The following TMEM177 variants were observed in gnomAD, a reference collection of about 807,000 sequenced individuals.
The protein encoded by TMEM177 is transmembrane protein 177.
In TMEM177, 4 loss-of-function variants were observed where a neutral mutation model predicts 14.2. The observed-to-expected ratio is 0.28, with a 90% CI of 0.14 to 0.64. TMEM177 has a LOEUF of 0.64. Ranked by LOEUF, TMEM177 falls within the 30% of genes least tolerant of loss-of-function variation. TMEM177 has a pLI of 0.82. For synonymous variants in TMEM177, 179 were observed against 174.5 expected (o/e 1.03, Z -0.20); for missense variants, 344 against 405.2 (o/e 0.85, Z 1.30).
At chr2:119,685,917 A>G (rs1348794716), downstream of TMEM177, 17 of 562,746 alleles carry the variant, frequency 3.0e-5, no homozygotes, top group East Asian at 4.7e-4. Context: ...ACTGAGCAGA[A>G]CTTCCGAGGA....
the TMEM177 span, among the ~76,000 whole-genome samples, chr2:119,721,638 G>A: frequency 6.6e-6 from 1 of 152,148 alleles, no homozygotes; most frequent in African/African-American, 2.4e-5. Context: ...GCCCTTTAAC[G>A]TGTGGAGTCT....
chr2:119,695,886 G>A, the TMEM177 span, among the ~76,000 whole-genome samples: 1 of 152,218 alleles, frequency 6.6e-6, no homozygotes, highest in African/African-American at 2.4e-5. Flanking sequence ...CCATCCAGCT[G>A]TGTGGCCTTG....
chr2:119,682,311 G>A (rs1426181571), downstream of TMEM177, among the ~76,000 whole-genome samples: 1 of 152,118 alleles, frequency 6.6e-6, no homozygotes, highest in Admixed American at 6.5e-5. Flanking sequence ...AGTGCCACCA[G>A]GCTGTGGGAG....
the TMEM177 span, among the ~76,000 whole-genome samples, chr2:119,705,656 A>G: frequency 5.8e-4 from 10 of 17,126 alleles, no homozygotes; most frequent in South Asian, 2.3e-3. Context: ...GTGTGTGTGT[A>G]TAAAACCCCC....
the TMEM177 span, among the ~76,000 whole-genome samples, chr2:119,713,811 G>T: frequency 6.6e-6 from 1 of 152,220 alleles, no homozygotes; most frequent in Admixed American, 6.5e-5. Context: ...TCCAGCCTGG[G>T]TGACAGAGTG....
the TMEM177 span, among the ~76,000 whole-genome samples, chr2:119,713,368 T>C: frequency 3.5e-4 from 54 of 152,236 alleles, no homozygotes; most frequent in African/African-American, 1.3e-3. Flanking sequence ...GTGCCTGGCC[T>C]GATAATGGTT....
At chr2:119,715,233 TA>T in the TMEM177 span, among the ~76,000 whole-genome samples, 2 of 151,904 alleles carry the variant, frequency 1.3e-5, no homozygotes, top group Non-Finnish European at 2.9e-5. Context: ...AAATAAAAAA[TA>T]AAAATTAGAC....
chr2:119,687,971 C>T (rs1401512265), downstream of TMEM177, among the ~76,000 whole-genome samples: 1 of 152,116 alleles, frequency 6.6e-6, no homozygotes, highest in African/African-American at 2.4e-5. Context: ...TATGTATTTC[C>T]TAGGGCTGTA....
chr2:119,703,956 C>G, the TMEM177 span, among the ~76,000 whole-genome samples: 2 of 152,222 alleles, frequency 1.3e-5, no homozygotes, highest in Non-Finnish European at 2.9e-5. Context: ...AGCCCTTCAT[C>G]TGAAGCATCA....
chr2:119,698,272 T>G, the TMEM177 span, among the ~76,000 whole-genome samples: 1 of 152,188 alleles, frequency 6.6e-6, no homozygotes, highest in African/African-American at 2.4e-5. Context: ...GGGGTCAAAG[T>G]GTTCCTTCTG....
chr2:119,694,529 G>A, the TMEM177 span, among the ~76,000 whole-genome samples: 10 of 152,256 alleles, frequency 6.6e-5, no homozygotes, highest in Admixed American at 3.9e-4. Flanking sequence ...GTGCAGGAGC[G>A]GGCTCTGCCC....
the TMEM177 span, among the ~76,000 whole-genome samples, chr2:119,703,294 C>A: frequency 6.6e-6 from 1 of 152,206 alleles, no homozygotes; most frequent in African/African-American, 2.4e-5. Flanking sequence ...TTTCCAGGGA[C>A]CTCTTGGGAC....
At chr2:119,707,615 C>T in the TMEM177 span, among the ~76,000 whole-genome samples, 1 of 152,218 alleles carries the variant, frequency 6.6e-6, no homozygotes, top group Admixed American at 6.5e-5. Context: ...CTGTCCAGAG[C>T]TCTCTGGAAG....
the TMEM177 span, chr2:119,699,843 A>G: frequency 2.5e-6 from 1 of 400,016 alleles, no homozygotes; most frequent in Non-Finnish European, 5.0e-6. Context: ...GCTGGACACA[A>G]GGTCAGTGGT....
the TMEM177 span, among the ~76,000 whole-genome samples, chr2:119,712,695 G>A: frequency 3.9e-5 from 6 of 152,296 alleles, no homozygotes; most frequent in African/African-American, 7.2e-5. Flanking sequence ...ATGGTACTTC[G>A]TTAGGGCAGC....
the TMEM177 span, among the ~76,000 whole-genome samples, chr2:119,712,419 A>C: frequency 6.6e-6 from 1 of 152,118 alleles, no homozygotes; most frequent in African/African-American, 2.4e-5. Flanking sequence ...AAGGCCTTTA[A>C]GGATGATTAA....
At chr2:119,721,199 C>T in the TMEM177 span, among the ~76,000 whole-genome samples, 1 of 152,226 alleles carries the variant, frequency 6.6e-6, no homozygotes, top group Non-Finnish European at 1.5e-5. Flanking sequence ...TTTGAACCAG[C>T]CCTGCCTCCA....
chr2:119,679,840 A>G (rs566136698), intron 1 of TMEM177, among the ~76,000 whole-genome samples: 3 of 152,338 alleles, frequency 2.0e-5, no homozygotes, highest in South Asian at 4.2e-4. Context: ...CAAGTTTTCT[A>G]AAACAAAAAG....
chr2:119,681,414 C>G lies in TMEM177; in HGVS notation c.561C>G (p.Ala187=), dbSNP rs777237603. 1.9e-6 allele frequency: 3 copies of G among 1,613,858 alleles called. No homozygotes were observed. The highest frequency in any genetic ancestry group is 2.5e-6 in the Non-Finnish European group (3 of 1,179,992). The change falls in exon 2 of 2, where the codon GCC becomes GCG. Residue 187 remains alanine (A), a synonymous_variant. Coordinates refer to ENST00000272521, the MANE Select transcript of TMEM177 (RefSeq NM_030577.3). ...LAGTWALGVG[A]KYTLGLHAGP... is the part of the protein sequence containing the mutation. ...GGACCTGGGCACTGGGCGTGGGTGC[C>G]AAGTACACCCTGGGGCTCCATGCAG...
Sources: gnomAD v4.1 joint callset for allele counts (sites outside exome capture counted in the v4.1 genomes callset) on GRCh38, gnomAD v4.1.1 for gene constraint, MANE v1.5 for transcripts, NCBI Gene and HGNC (gene_info 2026-07-23, HGNC 2026-07-21) for gene names.